Variants in CHTOP observed in about 807,000 individuals in gnomAD.
The protein encoded by CHTOP is chromatin target of PRMT1.
CHTOP carries 18 observed loss-of-function variants against 33.6 expected under a neutral mutation model. The observed-to-expected ratio is 0.54, with a 90% CI of 0.37 to 0.80. The LOEUF (loss-of-function observed/expected upper bound fraction) is 0.80. Ranked by LOEUF, CHTOP falls within the 30% of genes least tolerant of loss-of-function variation. The pLI, the probability that CHTOP is intolerant of heterozygous loss-of-function variation, is 0.00. For missense variants in CHTOP, 263 were observed against 336.8 expected (o/e 0.78, Z 1.71); for synonymous variants, 117 against 127.7 (o/e 0.92, Z 0.56).
At chr1:153,644,773 A>T (rs931726477) in intron 5 of CHTOP, among the ~76,000 whole-genome samples, 1 of 152,190 alleles carries the variant, frequency 6.6e-6, no homozygotes, top group African/African-American at 2.4e-5. Context: ...CTTAGGATTG[A>T]TTAAGGTTTT....
At chr1:153,635,383 C>T (rs1195245918) in intron 1 of CHTOP, among the ~76,000 whole-genome samples, 1 of 151,496 alleles carries the variant, frequency 6.6e-6, no homozygotes, top group Non-Finnish European at 1.5e-5. Flanking sequence ...AGCTCCAGGG[C>T]TCAAGCATTC....
At chr1:153,643,439 C>A (rs1668698001) in intron 5 of CHTOP, 75 bp downstream of exon 5, 6 of 1,414,616 alleles carry the variant, frequency 4.2e-6, no homozygotes, top group Non-Finnish European at 5.6e-6. Context: ...CACCTTTCTG[C>A]ACAGCTTCAA....
chr1:153,643,066 A>C (rs1668685854), intron 4 of CHTOP, 161 bp from the exon 5 acceptor site: 6 of 785,254 alleles, frequency 7.6e-6, no homozygotes, highest in Non-Finnish European at 1.3e-5. Flanking sequence ...AATTGATTGA[A>C]TAAAGAGTAG....
rs907309275 is a variant in CHTOP at position 153,645,143 on chromosome 1, T to C, written c.621T>C (p.Ala207=). 1 of 1,614,136 alleles carries C rather than the reference T, an allele frequency of 6.2e-7. No homozygotes were observed. ...GTGGACGAGGGAGAGGTGCCCTTGC[T>C]CGCCCTGTATTGACCAAGGAGCAGC... The part of the protein sequence containing the change: ...RGRGRGRGAL[A]RPVLTKEQLD... Residue 207 remains alanine, a synonymous_variant, in exon 6 of 6, where the codon GCT becomes GCC. Transcript: ENST00000368694.
Position 153,645,069 on chromosome 1 carries a change from G to C in CHTOP, c.547G>C (p.Gly183Arg). Residue 183 changes from glycine to arginine, a missense_variant, in exon 6 of 6, where the codon GGT (glycine) becomes CGT (arginine). Coordinates refer to ENST00000368694, the MANE Select transcript of CHTOP (RefSeq NM_015607.4). ...TTTTTTCCCCTTTGGGCCAGGTCGG[G>C]GTATGATAGGTCGGGGAAGAGGGGG... is the stretch of plus-strand genomic sequence containing the variant. ...GRGGIGGRGR[G>R]MIGRGRGGFG... 1 of 1,611,868 alleles carries C rather than the reference G, an allele frequency of 6.2e-7. No homozygotes were observed. The highest frequency in any genetic ancestry group is 8.5e-7 in the Non-Finnish European group (1 of 1,179,462).
intron 3 of CHTOP, among the ~76,000 whole-genome samples, chr1:153,642,042 C>A (rs1396573860): frequency 2.0e-5 from 3 of 152,232 alleles, no homozygotes; most frequent in Non-Finnish European, 4.4e-5. Flanking sequence ...GGAGTTTCTG[C>A]TCTGGATCAA....
rs764216653 is a variant in CHTOP, at chr1:153,642,497, G to T, written c.403+68G>T. On this transcript the variant is annotated intron_variant, in intron 4 of 5. Coordinates refer to ENST00000368694, the MANE Select transcript of CHTOP (RefSeq NM_015607.4). ...TCCCTTTTCTCTTGGGCTGCTTATG[G>T]ACACGTTTGTTTAACATCTTTAAGC... 5.9e-6 allele frequency: 8 copies of T among 1,344,908 alleles called. No individual in the cohort carries two copies. In the South Asian group the frequency reaches 1.2e-4, roughly 20 times the overall value. The allele number at this position is 1,344,908 out of a possible 1,614,324, so 83.3% of individuals were successfully genotyped here.
chr1:153,644,149 T>C (rs1469915191), intron 5 of CHTOP: 1 of 152,202 alleles, frequency 6.6e-6, no homozygotes, highest in African/African-American at 2.4e-5. Flanking sequence ...AAAAGGTGTC[T>C]TGGGTCTTCC....
At chr1:153,639,815 G>A (rs554784982) in intron 3 of CHTOP, among the ~76,000 whole-genome samples, 23 of 152,140 alleles carry the variant, frequency 1.5e-4, no homozygotes, top group Middle Eastern at 3.4e-3. Context: ...GTTTTGAGAC[G>A]GAGTCTTGCT....
intron 3 of CHTOP, among the ~76,000 whole-genome samples, chr1:153,641,050 G>A (rs1668604606): frequency 6.6e-6 from 1 of 152,186 alleles, no homozygotes. Flanking sequence ...TGTGTTAATC[G>A]GGAGTAACAG....
chr1:153,638,272 A>C, intron 2 of CHTOP, 23 bp from the exon 3 acceptor site: 6 of 1,610,196 alleles, frequency 3.7e-6, no homozygotes, highest in Non-Finnish European at 5.1e-6. Flanking sequence ...TTATTTAAAC[A>C]TCCATTTTGT....
chr1:153,640,101 C>T (rs1390597055), intron 3 of CHTOP, among the ~76,000 whole-genome samples: 1 of 152,154 alleles, frequency 6.6e-6, no homozygotes, highest in Non-Finnish European at 1.5e-5. Flanking sequence ...TGGAAATGTT[C>T]TGTATTTGCT....
At position 153,645,505 on chromosome 1, in the gene CHTOP, G is replaced by A; in HGVS notation, c.*236G>A. ...TTTGTTTTTGTTTTTTTAGGGGGGA[G>A]GGGGGGTTTCCCCTCCTTTGCCCAG... is the stretch of plus-strand genomic sequence containing the variant. On this transcript the variant is annotated 3_prime_UTR_variant, in exon 6 of 6. Coordinates refer to ENST00000368694, the MANE Select transcript of CHTOP (RefSeq NM_015607.4). 1 of 444,674 alleles carries A rather than the reference G, an allele frequency of 2.2e-6. No homozygotes were observed. Among genetic ancestry groups the A allele is most frequent in the Non-Finnish European group, 4.0e-6 (1 of 247,212 alleles). 27.5% of individuals were successfully genotyped at this position (444,674 alleles called of 1,614,324 possible).
At chr1:153,642,863 A>G in intron 4 of CHTOP, 1 of 298,210 alleles carries the variant, frequency 3.4e-6, no homozygotes, top group East Asian at 1.0e-4. Context: ...TTGGGGCACT[A>G]TTACTCTGTT....
intron 3 of CHTOP, among the ~76,000 whole-genome samples, chr1:153,641,966 C>A (rs887879986): frequency 1.3e-5 from 2 of 152,228 alleles, no homozygotes; most frequent in African/African-American, 4.8e-5. Context: ...TGTATGACTT[C>A]TGTAGCCAAA....
chr1:153,636,396 C>A (rs1181681560), intron 1 of CHTOP, among the ~76,000 whole-genome samples, 176 bp from the exon 2 acceptor site: 2 of 135,008 alleles, frequency 1.5e-5, no homozygotes, highest in African/African-American at 5.7e-5. Context: ...AGTGACAGAG[C>A]GAGACCCTGT....
intron 3 of CHTOP, among the ~76,000 whole-genome samples, chr1:153,641,730 A>G (rs2101691085): frequency 6.6e-6 from 1 of 152,348 alleles, no homozygotes; most frequent in South Asian, 2.1e-4. Flanking sequence ...TTTTTGAGAA[A>G]TCAATCTTGT....
chr1:153,634,997 C>G (rs1668298825), intron 1 of CHTOP, among the ~76,000 whole-genome samples: 1 of 151,936 alleles, frequency 6.6e-6, no homozygotes, highest in Admixed American at 6.6e-5. Context: ...GGGATTACAG[C>G]CATGCGCCAC....
intron 3 of CHTOP, among the ~76,000 whole-genome samples, chr1:153,640,011 T>A (rs1668562648): frequency 6.6e-6 from 1 of 152,196 alleles, no homozygotes; most frequent in African/African-American, 2.4e-5. Flanking sequence ...TGACCTCAAG[T>A]GATCTGCCTG....
Sources: allele counts gnomAD v4.1 joint callset (sites outside exome capture counted in the v4.1 genomes callset), GRCh38; gene constraint gnomAD v4.1.1; transcripts MANE v1.5; gene names NCBI Gene and HGNC (gene_info 2026-07-23, HGNC 2026-07-21).